SLX9: variants seen among roughly 807,000 people sequenced by gnomAD.
SLX9 encodes the protein ribosome biogenesis protein SLX9 homolog.
A neutral mutation model predicts 20.8 loss-of-function variants in SLX9; 19 were observed. That is an observed-to-expected ratio of 0.91 (90% CI 0.64 to 1.34). SLX9 has a LOEUF of 1.34. Ranked by LOEUF, SLX9 falls within the 40% of genes most tolerant of loss-of-function variation. The pLI, the probability that SLX9 is intolerant of heterozygous loss-of-function variation, is 0.00. For missense variants in SLX9, 299 were observed against 322.2 expected (o/e 0.93, Z 0.55); for synonymous variants, 113 against 137.1 (o/e 0.82, Z 1.23).
upstream of SLX9, chr21:44,939,947 C>G (rs2084506247): frequency 1.7e-6 from 2 of 1,196,250 alleles, no homozygotes; most frequent in Non-Finnish European, 2.2e-6. Flanking sequence ...CGGGTACTTC[C>G]GGCGGCCGCG....
At chr21:44,960,775 A>G (rs541488323) in intron 3 of SLX9, among the ~76,000 whole-genome samples, 2 of 152,210 alleles carry the variant, frequency 1.3e-5, no homozygotes, top group African/African-American at 2.4e-5. Context: ...TGAAAGCCAC[A>G]CTTCCCACTC....
intron 3 of SLX9, among the ~76,000 whole-genome samples, chr21:44,964,360 G>T (rs1016018177): frequency 1.3e-5 from 2 of 151,906 alleles, no homozygotes; most frequent in Non-Finnish European, 2.9e-5. Context: ...TCCCCAATAT[G>T]TGTTGAAATT....
At chr21:44,953,462 C>T (rs895992944) in intron 2 of SLX9, among the ~76,000 whole-genome samples, 8 of 152,144 alleles carry the variant, frequency 5.3e-5, no homozygotes, top group East Asian at 1.9e-4. Flanking sequence ...TGGGGCCCTG[C>T]GTCCGGGCCT....
chr21:44,950,058 T>TCAGA (rs1386852400), intron 2 of SLX9, among the ~76,000 whole-genome samples: 1 of 151,834 alleles, frequency 6.6e-6, no homozygotes, highest in African/African-American at 2.4e-5. Flanking sequence ...CAGCTCCTCA[T>TCAGA]CAGACAGTAC....
chr21:44,954,595 T>A (rs1393016315), intron 2 of SLX9, among the ~76,000 whole-genome samples: 2 of 152,112 alleles, frequency 1.3e-5, no homozygotes, highest in Non-Finnish European at 2.9e-5. Context: ...CAGGGCCCAG[T>A]GGTGGAAACG....
intron 3 of SLX9, among the ~76,000 whole-genome samples, chr21:44,963,342 C>T (rs2084979409): frequency 6.6e-6 from 1 of 151,350 alleles, no homozygotes; most frequent in African/African-American, 2.4e-5. Context: ...CCCGCCTTGG[C>T]CTCCCAAAGT....
chr21:44,967,612 A>G (rs2085062026), intron 4 of SLX9, among the ~76,000 whole-genome samples: 1 of 152,142 alleles, frequency 6.6e-6, no homozygotes, highest in African/African-American at 2.4e-5. Context: ...CAGGGGCTGC[A>G]GTCTCCCCTC....
At chr21:44,957,962 T>C (rs1372806514) in intron 2 of SLX9, among the ~76,000 whole-genome samples, 1 of 152,232 alleles carries the variant, frequency 6.6e-6, no homozygotes, top group African/African-American at 2.4e-5. Context: ...CCTGTCTGCC[T>C]AGAGCGGGAA....
chr21:44,963,294 T>G (rs1203206763), intron 3 of SLX9, among the ~76,000 whole-genome samples: 2 of 152,120 alleles, frequency 1.3e-5, no homozygotes, highest in Non-Finnish European at 2.9e-5. Context: ...TTTCACCGTG[T>G]TAGCAGGATG....
At chr21:44,964,247 A>G (rs571187306) in intron 3 of SLX9, among the ~76,000 whole-genome samples, 2 of 152,326 alleles carry the variant, frequency 1.3e-5, no homozygotes, top group South Asian at 2.1e-4. Context: ...TGAATTTACT[A>G]ATATCATGCA....
chr21:44,965,135 A>G (rs2085011445), intron 3 of SLX9, among the ~76,000 whole-genome samples: 1 of 152,262 alleles, frequency 6.6e-6, no homozygotes, highest in African/African-American at 2.4e-5. Flanking sequence ...TTTAAAACAT[A>G]AAGTTTAGAA....
chr21:44,966,763 A>G (rs1438996985), intron 3 of SLX9, among the ~76,000 whole-genome samples: 2 of 152,236 alleles, frequency 1.3e-5, no homozygotes, highest in East Asian at 1.9e-4. Flanking sequence ...CACAGTTGCC[A>G]GCGTCCCTTT....
At chr21:44,950,723 A>G (rs1218188270) in intron 2 of SLX9, among the ~76,000 whole-genome samples, 2 of 152,228 alleles carry the variant, frequency 1.3e-5, no homozygotes, top group African/African-American at 4.8e-5. Context: ...GACTTGGACC[A>G]GACATAGTGC....
chr21:44,954,573 C>T (rs147390547), intron 2 of SLX9, among the ~76,000 whole-genome samples: 1,831 of 152,284 alleles, frequency 0.012, 37 homozygotes, highest in African/African-American at 0.041. Flanking sequence ...CTCAGGACTG[C>T]GGAGGTGGGC....
In SLX9 at chr21:44,976,862, C is replaced by A; in HGVS notation, c.*59C>A. ...CACATGTGGGCCAAGTAGAGAGCGC[C>A]GGCCCCTCAAGGACCATGGCCTGAG... On this transcript the variant is annotated 3_prime_UTR_variant, in exon 6 of 6. Transcript: ENST00000291634. 1.3e-6 allele frequency: 2 copies of A among 1,532,944 alleles called. No individual in the cohort carries two copies. The highest frequency in any genetic ancestry group is 1.2e-5 in the South Asian group (1 of 83,530). 95.0% of individuals were successfully genotyped at this position (1,532,944 alleles called of 1,614,324 possible).
At chr21:44,966,471 A>G (rs2085037690) in intron 3 of SLX9, among the ~76,000 whole-genome samples, 1 of 152,156 alleles carries the variant, frequency 6.6e-6, no homozygotes, top group South Asian at 2.1e-4. Flanking sequence ...ACATTTTTAA[A>G]TTAAATCAAA....
intron 2 of SLX9, among the ~76,000 whole-genome samples, chr21:44,956,685 A>G (rs956304864): frequency 1.3e-5 from 2 of 152,320 alleles, no homozygotes; most frequent in African/African-American, 4.8e-5. Flanking sequence ...GCGTGCACGG[A>G]AAAGCCGGTC....
In SLX9 at chr21:44,952,802, C is replaced by T. The variant is rs117311098; in HGVS notation, c.284-7298C>T. Among the ~76,000 whole-genome samples, 1,500 of 152,300 alleles carry T rather than the reference C, an allele frequency of 9.8e-3. 14 individuals carry two copies. The highest frequency in any genetic ancestry group is 0.013 in the Non-Finnish European group (872 of 68,010). On this transcript the variant is annotated intron_variant, in intron 2 of 5. Coordinates refer to ENST00000291634, the MANE Select transcript of SLX9 (RefSeq NM_058190.4). ...CTATTTCTGAACCTGGCACTTGGAG[C>T]TCGGTGGCTGGAGCTATTTAAGGTT...
intron 4 of SLX9, 112 bp downstream of exon 4, chr21:44,967,293 G>A: frequency 1.4e-6 from 2 of 1,400,286 alleles, no homozygotes; most frequent in South Asian, 1.4e-5. Flanking sequence ...GCCTGCAGAG[G>A]CCGAGAGCTG....
Sources: allele counts gnomAD v4.1 joint callset (sites outside exome capture counted in the v4.1 genomes callset), GRCh38; gene constraint gnomAD v4.1.1; transcripts MANE v1.5; gene names NCBI Gene and HGNC (gene_info 2026-07-23, HGNC 2026-07-21).